The following PTPRG variants were observed in gnomAD, a reference collection of about 807,000 sequenced individuals.
PTPRG encodes the protein protein tyrosine phosphatase receptor type G, also known as receptor-type tyrosine-protein phosphatase gamma.
In PTPRG, 102 loss-of-function variants were observed where a neutral mutation model predicts 165.3. That is an observed-to-expected ratio of 0.62 (90% CI 0.53 to 0.73). The LOEUF is 0.73. Among genes scored for constraint, PTPRG ranks in the 30% least tolerant of loss-of-function variants. PTPRG has a pLI of 0.00. For missense variants in PTPRG, 1,866 were observed against 1,861.4 expected, an observed-to-expected ratio of 1.00 and a Z score of -0.05; for synonymous variants, 675 against 669.5, an observed-to-expected ratio of 1.01 and a Z score of -0.13.
intron 5 of PTPRG, among the ~76,000 whole-genome samples, chr3:62,119,980 G>A (rs2106886107): frequency 6.6e-6 from 1 of 152,096 alleles, no homozygotes; most frequent in East Asian, 1.9e-4. Context: ...TCTCATCCCT[G>A]CCTGCACATC....
intron 2 of PTPRG, among the ~76,000 whole-genome samples, chr3:61,934,785 C>T (rs1233261210): frequency 2.0e-5 from 3 of 152,128 alleles, no homozygotes; most frequent in African/African-American, 7.2e-5. Flanking sequence ...TGGCCAGCAG[C>T]CACTGACCTG....
At chr3:61,888,533 G>T (rs9879846) in intron 2 of PTPRG, among the ~76,000 whole-genome samples, 110,647 of 151,954 alleles carry the variant, frequency 0.73, 41,786 homozygotes, top group East Asian at 0.96. Context: ...GGGTTTCACC[G>T]TGTTAGCCAG....
At chr3:62,149,695 A>G (rs1368773037) in intron 6 of PTPRG, among the ~76,000 whole-genome samples, 1 of 152,040 alleles carries the variant, frequency 6.6e-6, no homozygotes, top group Non-Finnish European at 1.5e-5. Flanking sequence ...CCTGTTGCCC[A>G]CTGTCACACC....
intron 5 of PTPRG, among the ~76,000 whole-genome samples, chr3:62,116,681 T>C (rs1702880033): frequency 6.6e-6 from 1 of 152,216 alleles, no homozygotes; most frequent in East Asian, 1.9e-4. Flanking sequence ...TGAGGTTGCA[T>C]GGGTGTATAC....
chr3:62,262,549 C>A, intron 16 of PTPRG: 1 of 369,698 alleles, frequency 2.7e-6, no homozygotes, highest in Non-Finnish European at 4.8e-6. Context: ...TGTTTTACAT[C>A]TCAGGGACTA....
chr3:61,941,068 A>G (rs1271608217), intron 2 of PTPRG, among the ~76,000 whole-genome samples: 1 of 152,238 alleles, frequency 6.6e-6, no homozygotes, highest in African/African-American at 2.4e-5. Context: ...AAGTTAATTT[A>G]CAGCTCTGTG....
At chr3:62,276,034 A>T in intron 24 of PTPRG, 68 bp downstream of exon 24, 1 of 1,189,586 alleles carries the variant, frequency 8.4e-7, no homozygotes, top group Admixed American at 1.9e-5. Context: ...AGAGGCAGCC[A>T]CTACTCTGAT....
intron 4 of PTPRG, among the ~76,000 whole-genome samples, chr3:62,014,170 T>C (rs2041488320): frequency 1.3e-5 from 2 of 152,166 alleles, no homozygotes; most frequent in African/African-American, 4.8e-5. Flanking sequence ...GAGTCAAGTT[T>C]GAAAGAAAGT....
At chr3:62,081,968 T>C (rs1486612035) in intron 5 of PTPRG, among the ~76,000 whole-genome samples, 1 of 152,218 alleles carries the variant, frequency 6.6e-6, no homozygotes, top group Non-Finnish European at 1.5e-5. Context: ...AATCTTCTCC[T>C]GTGCACTAGA....
Position 62,195,831 on chromosome 3 carries a change from T to C in PTPRG, c.1327+661T>C, listed in dbSNP as rs1172307881. 6.6e-6 allele frequency among the ~76,000 whole-genome samples: 1 copy of C among 152,124 alleles called. No individual in the cohort carries two copies. The highest frequency in any genetic ancestry group is 1.9e-4 in the East Asian group (1 of 5,152). ...TGTTTTGAGATGAAGTCTCGCTCTG[T>C]TGCCCAAGCTGGAGTGCAGTGGGGT... is the stretch of plus-strand genomic sequence containing the variant. On this transcript the variant is annotated intron_variant, in intron 10 of 29. Coordinates refer to ENST00000474889, the MANE Select transcript of PTPRG (RefSeq NM_002841.4). This position sits in a 1 kb window ranked among gnomAD's most constrained non-coding sequence, Gnocchi z 4.4.
intron 8 of PTPRG, among the ~76,000 whole-genome samples, chr3:62,182,146 T>A (rs1705676769): frequency 6.6e-6 from 1 of 152,198 alleles, no homozygotes; most frequent in East Asian, 1.9e-4. Flanking sequence ...TCTTCATCCT[T>A]GTCATTTTCT....
intron 5 of PTPRG, among the ~76,000 whole-genome samples, chr3:62,079,594 G>A (rs1186491194): frequency 6.6e-6 from 1 of 152,154 alleles, no homozygotes; most frequent in African/African-American, 2.4e-5. Flanking sequence ...GTGGGTCGTG[G>A]TCAAGTATTT....
In PTPRG at chr3:61,618,927, A is replaced by G. The variant is rs367795469; in HGVS notation, c.85+56555A>G. On this transcript the variant is annotated intron_variant, in intron 1 of 29. Transcript: ENST00000474889. Reference sequence around the variant, plus strand: ...GAGCCCAAGGCAGGAGGACCATTTAAGCCCAGGAGTTCGAGACCAGCCTGG... The same window carrying G: ...GAGCCCAAGGCAGGAGGACCATTTAGGCCCAGGAGTTCGAGACCAGCCTGG... 5.3e-5 allele frequency among the ~76,000 whole-genome samples: 8 copies of G among 151,036 alleles called. No homozygotes were observed. The East Asian group carries it at 1.4e-3, about 26-fold the overall frequency.
At chr3:62,188,250 C>A (rs1216342446) in intron 8 of PTPRG, among the ~76,000 whole-genome samples, 1 of 152,126 alleles carries the variant, frequency 6.6e-6, no homozygotes, top group Non-Finnish European at 1.5e-5. Flanking sequence ...TGGTATGCAC[C>A]TGTAGTCCTA....
intron 28 of PTPRG, among the ~76,000 whole-genome samples, chr3:62,283,830 T>C (rs1269123034): frequency 6.6e-6 from 1 of 152,156 alleles, no homozygotes; most frequent in African/African-American, 2.4e-5. Flanking sequence ...GTGTACTAGC[T>C]GCTTCCAAAA....
intron 2 of PTPRG, chr3:61,753,595 T>TTTTTTTTTC: frequency 2.3e-6 from 1 of 442,554 alleles, no homozygotes. Context: ...GTTTTTTTTT[T>TTTTTTTTTC]TTTTTTGGAG....
chr3:61,992,339 A>T (rs979797124), intron 3 of PTPRG, among the ~76,000 whole-genome samples: 2 of 152,096 alleles, frequency 1.3e-5, no homozygotes, highest in South Asian at 4.1e-4. Flanking sequence ...TTGTTTTAAC[A>T]CTAATAGAAA....
chr3:61,586,671 T>C (rs1700443495), intron 1 of PTPRG, among the ~76,000 whole-genome samples: 1 of 152,076 alleles, frequency 6.6e-6, no homozygotes, highest in African/African-American at 2.4e-5. Context: ...ACTGGAAACA[T>C]AGGGATGGGA....
At chr3:61,677,600 G>A (rs1389400990) in intron 1 of PTPRG, among the ~76,000 whole-genome samples, 1 of 152,160 alleles carries the variant, frequency 6.6e-6, no homozygotes, top group Non-Finnish European at 1.5e-5. Context: ...CTAGGCCTGT[G>A]ATTAAAACCT....
Sources: allele counts gnomAD v4.1 joint callset (sites outside exome capture counted in the v4.1 genomes callset), GRCh38; gene constraint gnomAD v4.1.1; non-coding constraint Gnocchi (gnomAD v3.1); transcripts MANE v1.5; gene names NCBI Gene and HGNC (gene_info 2026-07-23, HGNC 2026-07-21).